MTUS2: variants seen among roughly 807,000 people sequenced by gnomAD.
MTUS2 encodes microtubule associated scaffold protein 2, also known as microtubule-associated tumor suppressor candidate 2.
A neutral mutation model predicts 114.1 loss-of-function variants in MTUS2; 40 were observed. The ratio of observed to expected loss-of-function variants is 0.35; its 90% confidence interval spans 0.27 to 0.46. The LOEUF (loss-of-function observed/expected upper bound fraction) is 0.46. Among genes scored for constraint, MTUS2 ranks in the 20% least tolerant of loss-of-function variants. The pLI, the probability that MTUS2 is intolerant of heterozygous loss-of-function variation, is 1.00. For synonymous variants in MTUS2, 688 were observed against 672.0 expected (o/e 1.02, Z -0.37); for missense variants, 1,679 against 1,705.4 (o/e 0.98, Z 0.27).
At chr13:29,373,207 C>T (rs951148772) in intron 8 of MTUS2, among the ~76,000 whole-genome samples, 1 of 152,184 alleles carries the variant, frequency 6.6e-6, no homozygotes, top group African/African-American at 2.4e-5. Context: ...TCCCCATACC[C>T]TAATCTGTGT....
intron 2 of MTUS2, among the ~76,000 whole-genome samples, chr13:28,906,287 C>G (rs1880007566): frequency 6.6e-6 from 1 of 150,818 alleles, no homozygotes; most frequent in African/African-American, 2.5e-5. Context: ...TATTTCTTGC[C>G]TTCTGCTAGC....
chr13:29,062,284 C>T (rs1404998965), intron 4 of MTUS2, among the ~76,000 whole-genome samples: 1 of 152,204 alleles, frequency 6.6e-6, no homozygotes, highest in Non-Finnish European at 1.5e-5. Context: ...CCATGCCCAG[C>T]CTCAAGAATG....
In MTUS2 at chr13:29,025,906, TAGG is replaced by T; in HGVS notation, c.1212_1214del (p.Gly405del). 1 of 1,613,650 alleles carries T rather than the reference TAGG, an allele frequency of 6.2e-7. No homozygotes were observed. The highest frequency in any genetic ancestry group is 8.5e-7 in the Non-Finnish European group (1 of 1,179,712). ...ACCCCCAAACAGGGCTCTGCTTCCTTAGGAGGGGCTGATAATCAGCCCACTGGC... is the reference window on the plus strand; with the variant it reads ...ACCCCCAAACAGGGCTCTGCTTCCTTAGGGGCTGATAATCAGCCCACTGGC... On this transcript the variant is annotated inframe_deletion, in exon 3 of 16. Coordinates refer to ENST00000612955, the MANE Select transcript of MTUS2 (RefSeq NM_001033602.4).
intron 2 of MTUS2, among the ~76,000 whole-genome samples, chr13:28,918,823 A>G (rs1442680639): frequency 6.6e-6 from 1 of 151,622 alleles, no homozygotes; most frequent in Non-Finnish European, 1.5e-5. Flanking sequence ...TTGCTTTTTA[A>G]TTTGTGTGTA....
At chr13:29,065,649 G>A (rs1173241587) in intron 4 of MTUS2, among the ~76,000 whole-genome samples, 1 of 152,110 alleles carries the variant, frequency 6.6e-6, no homozygotes, top group Non-Finnish European at 1.5e-5. Context: ...TTCTTTTGTG[G>A]GATTGCAGTA....
intron 2 of MTUS2, among the ~76,000 whole-genome samples, chr13:28,934,986 AC>A (rs1222561737): frequency 2.0e-5 from 2 of 97,928 alleles, no homozygotes; most frequent in Non-Finnish European, 3.9e-5. Flanking sequence ...GTAGGTGACC[AC>A]TTGTTTCATC....
chr13:29,488,195 T>G (rs929287172), intron 11 of MTUS2, 190 bp downstream of exon 11: 5 of 589,156 alleles, frequency 8.5e-6, no homozygotes, highest in Non-Finnish European at 1.5e-5. Flanking sequence ...GTTAGCTGCT[T>G]CTTTCCTCCA....
At chr13:29,049,443 C>T (rs1339958467) in intron 4 of MTUS2, among the ~76,000 whole-genome samples, 1 of 152,178 alleles carries the variant, frequency 6.6e-6, no homozygotes, top group Non-Finnish European at 1.5e-5. Flanking sequence ...TGCCAAACAT[C>T]ATCTGGACAA....
At chr13:29,335,475 T>C (rs1156584234) in intron 7 of MTUS2, among the ~76,000 whole-genome samples, 1 of 152,216 alleles carries the variant, frequency 6.6e-6, no homozygotes, top group Non-Finnish European at 1.5e-5. Context: ...TTTTATTACC[T>C]TGTGAAGCAT....
At chr13:29,291,584 GC>G (rs770390819) in intron 6 of MTUS2, among the ~76,000 whole-genome samples, 1 of 152,190 alleles carries the variant, frequency 6.6e-6, no homozygotes, top group Non-Finnish European at 1.5e-5. Context: ...GCCTTTTCCA[GC>G]CTTTGAGCTG....
At chr13:29,287,553 ATG>A (rs1253002416) in intron 6 of MTUS2, among the ~76,000 whole-genome samples, 6 of 151,884 alleles carry the variant, frequency 4.0e-5, no homozygotes, top group Non-Finnish European at 7.4e-5. Context: ...CACTGAACAC[ATG>A]TGTGTTACTT....
intron 5 of MTUS2, among the ~76,000 whole-genome samples, chr13:29,146,159 C>T (rs1235771824): frequency 2.0e-5 from 3 of 152,170 alleles, no homozygotes; most frequent in Non-Finnish European, 1.5e-5. Context: ...CAAAGAATGT[C>T]AACACCTTTG....
intron 9 of MTUS2, among the ~76,000 whole-genome samples, chr13:29,458,205 C>T (rs1879254370): frequency 6.6e-6 from 1 of 152,248 alleles, no homozygotes; most frequent in Admixed American, 6.5e-5. Flanking sequence ...ACATGTCCCA[C>T]CTGGCCCACC....
chr13:29,292,545 G>A (rs1302844439), intron 6 of MTUS2, among the ~76,000 whole-genome samples: 2 of 152,084 alleles, frequency 1.3e-5, no homozygotes, highest in Non-Finnish European at 2.9e-5. Flanking sequence ...AGAGTGAGAG[G>A]CCTATAATCT....
intron 3 of MTUS2, among the ~76,000 whole-genome samples, chr13:29,032,968 A>G (rs1886896634): frequency 6.6e-6 from 1 of 152,192 alleles, no homozygotes. Flanking sequence ...ATATTAATAA[A>G]ACACTGATAA....
intron 1 of MTUS2, among the ~76,000 whole-genome samples, chr13:28,838,833 T>C (rs1438626085): frequency 1.3e-5 from 2 of 152,220 alleles, no homozygotes; most frequent in African/African-American, 4.8e-5. Flanking sequence ...TTCCAAATGC[T>C]GGAGCTAATT....
chr13:29,207,807 C>T (rs2139267759), intron 5 of MTUS2, among the ~76,000 whole-genome samples: 1 of 152,132 alleles, frequency 6.6e-6, no homozygotes, highest in South Asian at 2.1e-4. Context: ...TTTTTATTTG[C>T]TGTTGGATTC....
intron 2 of MTUS2, among the ~76,000 whole-genome samples, chr13:28,946,295 GTGTGTGTGT>G (rs1480835731): frequency 1.3e-3 from 204 of 151,886 alleles, no homozygotes; most frequent in African/African-American, 4.8e-3. Context: ...GTGTGTGTGT[GTGTGTGTGT>G]GCGCGCGCAC....
chr13:29,151,191 T>C (rs1443800471), intron 5 of MTUS2, among the ~76,000 whole-genome samples: 1 of 152,168 alleles, frequency 6.6e-6, no homozygotes, highest in East Asian at 1.9e-4. Flanking sequence ...TGTTTTTCCA[T>C]TTGTTATTAT....
Sources: allele counts gnomAD v4.1 joint callset (sites outside exome capture counted in the v4.1 genomes callset), GRCh38; gene constraint gnomAD v4.1.1; transcripts MANE v1.5; gene names NCBI Gene and HGNC (gene_info 2026-07-23, HGNC 2026-07-21).